CLCN5: variants seen among roughly 807,000 people sequenced by gnomAD.
CLCN5 encodes Cl-/H+ antiporter 5, also known as H(+)/Cl(-) exchange transporter 5.
A neutral mutation model predicts 54.0 loss-of-function variants in CLCN5; 17 were observed. The observed-to-expected ratio is 0.31, with a 90% CI of 0.22 to 0.47. The LOEUF is 0.47. CLCN5 is among the 20% of genes least tolerant of loss of function. The pLI, the probability that CLCN5 is intolerant of heterozygous loss-of-function variation, is 1.00. For synonymous variants in CLCN5, 222 were observed against 233.0 expected (o/e 0.95, Z 0.43); for missense variants, 448 against 646.7 (o/e 0.69, Z 3.33).
At chrX:49,943,538 C>G (rs1164175693) in intron 3 of CLCN5, among the ~76,000 whole-genome samples, 1 of 105,594 alleles carries the variant, frequency 9.5e-6, no homozygotes, top group South Asian at 4.2e-4. Context: ...GGTTTTAGGT[C>G]TAACATGTAA....
At chrX:49,955,682 T>TC (rs1406214097) in intron 3 of CLCN5, among the ~76,000 whole-genome samples, 2 of 111,951 alleles carry the variant, frequency 1.8e-5, no homozygotes, top group African/African-American at 6.5e-5. Context: ...AAACTGACTT[T>TC]CAACATGGCA....
rs937008947 is a variant in CLCN5 at position 50,038,157 on chromosome X, A to G, written c.17-4159A>G. Among the ~76,000 whole-genome samples, 4 of 112,227 alleles carry G rather than the reference A, an allele frequency of 3.6e-5. No homozygotes were observed. In the Admixed American group the frequency reaches 3.8e-4, roughly 11 times the overall value. ...GAGAAGTTTGGAAAATTTGAGTATG[A>G]AAACAATAGCAATAGATTATAACCC... is the stretch of plus-strand genomic sequence containing the variant. On this transcript the variant is annotated intron_variant, in intron 3 of 14. Coordinates refer to ENST00000376091, the MANE Select transcript of CLCN5 (RefSeq NM_001127898.4).
chrX:50,090,349 A>C lies in CLCN5; in HGVS notation c.1978A>C (p.Arg660=). 8.3e-7 allele frequency: 1 copy of C among 1,211,623 alleles called. No individual in the cohort carries two copies. The highest frequency in any genetic ancestry group is 2.2e-5 in the Admixed American group (1 of 46,054). Residue 660 remains arginine, a synonymous_variant, in exon 13 of 15, where the codon AGA becomes CGA. Transcript: ENST00000376091. ...GGCAATGGATGTGATGAAACCCCGG[A>C]GAAATGATCCTTTGTTGACTGTCCT... is the stretch of plus-strand genomic sequence containing the variant. ...TLAMDVMKPR[R]NDPLLTVLTQ...
chrX:50,082,037 G>T (rs782541639), intron 9 of CLCN5, among the ~76,000 whole-genome samples, 190 bp downstream of exon 9: 29 of 111,659 alleles, frequency 2.6e-4, no homozygotes, highest in Non-Finnish European at 4.3e-4. Context: ...GGATAGTGCA[G>T]CGTCTGTCAA....
At chrX:50,027,428 A>T (rs1931463985) in intron 3 of CLCN5, among the ~76,000 whole-genome samples, 2 of 111,436 alleles carry the variant, frequency 1.8e-5, no homozygotes, top group South Asian at 7.5e-4. Context: ...TTTGAATTTC[A>T]GTTTCAGAAG....
At chrX:49,972,112 G>GGTGT (rs61157983) in intron 3 of CLCN5, among the ~76,000 whole-genome samples, 1,053 of 86,572 alleles carry the variant, frequency 0.012, 6 homozygotes, top group South Asian at 0.025. Context: ...TGCATTCTCT[G>GGTGT]GTGTGTGTGT....
chrX:49,980,317 G>C (rs1602008035), intron 3 of CLCN5, among the ~76,000 whole-genome samples: 1 of 111,104 alleles, frequency 9.0e-6, no homozygotes, highest in East Asian at 2.8e-4. Flanking sequence ...TTTTTTAAAA[G>C]TATATTTTAA....
intron 3 of CLCN5, among the ~76,000 whole-genome samples, chrX:50,019,016 C>T (rs1374706076): frequency 5.4e-5 from 6 of 111,875 alleles, no homozygotes; most frequent in Non-Finnish European, 1.1e-4. Flanking sequence ...AAAACTGGTA[C>T]AATTTTGTCT....
At chrX:50,077,144 A>C (rs1933435161) in intron 7 of CLCN5, among the ~76,000 whole-genome samples, 1 of 112,086 alleles carries the variant, frequency 8.9e-6, no homozygotes, top group African/African-American at 3.2e-5. Context: ...ACAAATACAA[A>C]CAGTCCAGGG....
At chrX:50,018,319 A>C (rs1191567537) in intron 3 of CLCN5, among the ~76,000 whole-genome samples, 7 of 112,255 alleles carry the variant, frequency 6.2e-5, no homozygotes. Context: ...TTAACCTTAT[A>C]TTCTGCAACC....
intron 3 of CLCN5, among the ~76,000 whole-genome samples, chrX:49,930,628 G>A (rs1235065787): frequency 2.7e-5 from 3 of 111,166 alleles, no homozygotes; most frequent in Non-Finnish European, 5.7e-5. Context: ...CCATGTGCTC[G>A]GGGGATTTGA....
intron 4 of CLCN5, among the ~76,000 whole-genome samples, chrX:50,064,606 A>G (rs1177031403): frequency 1.0e-5 from 1 of 99,962 alleles, no homozygotes; most frequent in Non-Finnish European, 2.0e-5. Flanking sequence ...TACAGATTCA[A>G]TGCCATCCCC....
rs35768604 is a variant in CLCN5 at position 50,077,812 on chromosome X, CAAAAAAAAAAAAAAAAAAAA to C, written c.603+1848_603+1867del. Among the ~76,000 whole-genome samples, 10 of 22,339 alleles carry C rather than the reference CAAAAAAAAAAAAAAAAAAAA, an allele frequency of 4.5e-4. No homozygotes were observed. In the East Asian group the frequency reaches 6.7e-3, roughly 15 times the overall value. 19.4% of individuals were successfully genotyped at this position (22,339 alleles called of 115,157 possible). ...CCAACATGGTGAAACCCTGTCTCTA[CAAAAAAAAAAAAAAAAAAAA>C]AAAAAAAAAAAAAAAAACATGTATA... On this transcript the variant is annotated intron_variant, in intron 7 of 14. Transcript: ENST00000376091.
intron 3 of CLCN5, among the ~76,000 whole-genome samples, chrX:49,939,196 T>G (rs1205057139): frequency 5.4e-5 from 6 of 111,614 alleles, no homozygotes; most frequent in South Asian, 7.5e-4. Context: ...GGTGGGACTG[T>G]AAACTAGTTC....
chrX:50,027,224 C>T (rs1326133661), intron 3 of CLCN5, among the ~76,000 whole-genome samples: 1 of 110,206 alleles, frequency 9.1e-6, no homozygotes, highest in Non-Finnish European at 1.9e-5. Flanking sequence ...CCATGTTGGC[C>T]AGGCTGGTTT....
intron 4 of CLCN5, among the ~76,000 whole-genome samples, chrX:50,043,610 A>G (rs1932296577): frequency 9.0e-6 from 1 of 111,008 alleles, no homozygotes; most frequent in Non-Finnish European, 1.9e-5. Flanking sequence ...TGATGTTCCT[A>G]TTTTTCTAAT....
intron 4 of CLCN5, among the ~76,000 whole-genome samples, chrX:50,067,352 A>T (rs1205901919): frequency 9.0e-6 from 1 of 111,341 alleles, no homozygotes; most frequent in Non-Finnish European, 1.9e-5. Flanking sequence ...ATTCTTTTGG[A>T]TATTTCTACT....
At chrX:49,961,070 T>C (rs1273655104) in intron 3 of CLCN5, among the ~76,000 whole-genome samples, 1 of 111,799 alleles carries the variant, frequency 8.9e-6, no homozygotes, top group Non-Finnish European at 1.9e-5. Context: ...GACGTGTGTG[T>C]CCACGCACAC....
At chrX:50,018,187 T>G (rs1223256904) in intron 3 of CLCN5, among the ~76,000 whole-genome samples, 1 of 112,152 alleles carries the variant, frequency 8.9e-6, no homozygotes, top group Non-Finnish European at 1.9e-5. Context: ...TTGTACATAT[T>G]TTGGTTAGTT....
Sources: allele counts gnomAD v4.1 joint callset (sites outside exome capture counted in the v4.1 genomes callset), GRCh38; gene constraint gnomAD v4.1.1; transcripts MANE v1.5; gene names NCBI Gene and HGNC (gene_info 2026-07-23, HGNC 2026-07-21).